The following PMS1 variants were observed in gnomAD, a reference collection of about 807,000 sequenced individuals.
The protein encoded by PMS1 is PMS1 protein homolog 1.
Under a neutral mutation model 93.1 loss-of-function variants are expected in PMS1, and 79 were observed. The ratio of observed to expected loss-of-function variants is 0.85; its 90% confidence interval spans 0.71 to 1.02. The LOEUF (loss-of-function observed/expected upper bound fraction) is 1.02, where lower values mean the gene tolerates loss of function less well. Among genes scored for constraint, PMS1 ranks in the 50% least tolerant of loss-of-function variants. The pLI is 0.00. For missense variants in PMS1, 1,064 were observed against 1,085.3 expected, an observed-to-expected ratio of 0.98 and a Z score of 0.28; for synonymous variants, 335 against 363.4, an observed-to-expected ratio of 0.92 and a Z score of 0.89.
At chr2:189,805,001 C>G (rs1439978377) in intron 3 of PMS1, among the ~76,000 whole-genome samples, 6 of 152,054 alleles carry the variant, frequency 3.9e-5, no homozygotes, top group Admixed American at 3.9e-4. Flanking sequence ...CAAAAGAGGG[C>G]AGACACTTCA....
At chr2:189,853,520 C>CT (rs397976954) in intron 7 of PMS1, among the ~76,000 whole-genome samples, 23,096 of 141,240 alleles carry the variant, frequency 0.16, 3,346 homozygotes, top group African/African-American at 0.39. Context: ...CTTTTCTTTT[C>CT]TTTTTTTTTT....
intron 2 of PMS1, 29 bp from the exon 3 acceptor site, chr2:189,795,740 T>C: frequency 6.5e-7 from 1 of 1,540,826 alleles, no homozygotes; most frequent in Non-Finnish European, 9.0e-7. Context: ...TATTTTTACA[T>C]ATTAAAAGTG....
intron 5 of PMS1, among the ~76,000 whole-genome samples, chr2:189,828,017 G>A (rs543023270): frequency 3.3e-5 from 5 of 151,660 alleles, no homozygotes; most frequent in South Asian, 4.2e-4. Flanking sequence ...TCCGCCTCCC[G>A]GGTTCACGCC....
chr2:189,792,071 T>C, intron 2 of PMS1, 130 bp downstream of exon 2: 1 of 758,542 alleles, frequency 1.3e-6, no homozygotes, highest in Non-Finnish European at 2.2e-6. Flanking sequence ...ATTGGACCCT[T>C]TGTCTTAAGA....
intron 11 of PMS1, among the ~76,000 whole-genome samples, chr2:189,871,211 A>G (rs1484388030): frequency 6.6e-6 from 1 of 152,150 alleles, no homozygotes; most frequent in African/African-American, 2.4e-5. Flanking sequence ...TACCGATCCT[A>G]AGGGCAGAGG....
intron 5 of PMS1, among the ~76,000 whole-genome samples, chr2:189,822,541 G>A (rs1043918723): frequency 6.6e-6 from 1 of 152,082 alleles, no homozygotes; most frequent in Non-Finnish European, 1.5e-5. Flanking sequence ...AAGAAATCTG[G>A]GGATTATGTT....
intron 6 of PMS1, among the ~76,000 whole-genome samples, chr2:189,850,329 A>G (rs1045971777): frequency 6.6e-6 from 1 of 152,152 alleles, no homozygotes; most frequent in Non-Finnish European, 1.5e-5. Flanking sequence ...ATCAGGGTTA[A>G]GAAGAGGAGA....
chr2:189,799,867 C>G (rs1156419880), intron 3 of PMS1, among the ~76,000 whole-genome samples: 1 of 152,192 alleles, frequency 6.6e-6, no homozygotes, highest in Non-Finnish European at 1.5e-5. Flanking sequence ...ACAACATTGC[C>G]CTATGCCCAC....
At chr2:189,866,136 A>T (rs1003119007) in intron 10 of PMS1, among the ~76,000 whole-genome samples, 1 of 152,184 alleles carries the variant, frequency 6.6e-6, no homozygotes, top group Non-Finnish European at 1.5e-5. Context: ...TAAACATCTG[A>T]TGGTGCTTTT....
chr2:189,793,061 C>T (rs1458833958), intron 2 of PMS1, among the ~76,000 whole-genome samples: 5 of 152,144 alleles, frequency 3.3e-5, no homozygotes, highest in African/African-American at 4.8e-5. Flanking sequence ...CCGCCCACCT[C>T]GGCCTCCCAA....
At chr2:189,838,945 C>G (rs1362130345) in intron 5 of PMS1, among the ~76,000 whole-genome samples, 1 of 152,060 alleles carries the variant, frequency 6.6e-6, no homozygotes, top group African/African-American at 2.4e-5. Flanking sequence ...TTTTGCATGT[C>G]TTTCGTAAAA....
At chr2:189,800,720 T>A (rs1421472108) in intron 3 of PMS1, among the ~76,000 whole-genome samples, 1 of 152,212 alleles carries the variant, frequency 6.6e-6, no homozygotes, top group Non-Finnish European at 1.5e-5. Flanking sequence ...AATTTTAAAG[T>A]CATAGAGTTG....
At chr2:189,865,972 G>A (rs934361512) in intron 10 of PMS1, among the ~76,000 whole-genome samples, 1 of 152,164 alleles carries the variant, frequency 6.6e-6, no homozygotes, top group African/African-American at 2.4e-5. Flanking sequence ...ACAGAACACA[G>A]AAAAACATCT....
At chr2:189,869,680 T>A (rs13408737) in intron 11 of PMS1, among the ~76,000 whole-genome samples, 6,805 of 152,066 alleles carry the variant, frequency 0.045, 487 homozygotes, top group African/African-American at 0.15. Flanking sequence ...TAGCCGGGCA[T>A]GTGGCAGGTG....
intron 5 of PMS1, among the ~76,000 whole-genome samples, chr2:189,840,305 C>T (rs1280909521): frequency 6.6e-6 from 1 of 152,148 alleles, no homozygotes; most frequent in Admixed American, 6.5e-5. Context: ...GCAGAAACAG[C>T]TGGATCGGTT....
intron 5 of PMS1, among the ~76,000 whole-genome samples, chr2:189,833,731 C>A (rs1168808387): frequency 6.6e-6 from 1 of 152,132 alleles, no homozygotes; most frequent in Non-Finnish European, 1.5e-5. Context: ...TACTTCCCTG[C>A]TGGAAGAAAC....
At position 189,854,979 on chromosome 2, in the gene PMS1, A is replaced by G; in HGVS notation, c.1707A>G (p.Arg569=). 1 of 1,613,362 alleles carries G rather than the reference A, an allele frequency of 6.2e-7. No homozygotes were observed. The highest frequency in any genetic ancestry group is 8.5e-7 in the Non-Finnish European group (1 of 1,179,366). The part of the protein sequence containing the change: ...KVTAYDLLSN[R]VIKKPMSASA... Reference sequence around the variant, plus strand: ...CAGCTTATGATTTACTTAGCAATCGAGTAATCAAGAAACCCATGTCAGCAA... The same window carrying G: ...CAGCTTATGATTTACTTAGCAATCGGGTAATCAAGAAACCCATGTCAGCAA... The change falls in exon 9 of 13, where the codon CGA becomes CGG. Residue 569 remains arginine, a synonymous_variant. Coordinates refer to ENST00000441310, the MANE Select transcript of PMS1 (RefSeq NM_000534.5).
At chr2:189,854,186 C>G (rs545978232) in intron 8 of PMS1, 53 bp from the exon 9 acceptor site, 182 of 1,428,170 alleles carry the variant, frequency 1.3e-4, no homozygotes, top group Non-Finnish European at 1.7e-4. Context: ...TATTTAAAAT[C>G]TTGTCTATTA....
chr2:189,844,550 A>G (rs140322554), intron 6 of PMS1, among the ~76,000 whole-genome samples: 2,179 of 150,338 alleles, frequency 0.014, 53 homozygotes, highest in African/African-American at 0.051. Context: ...AGGCTAAGGC[A>G]GGATAATCAC....
Sources: allele counts gnomAD v4.1 joint callset (sites outside exome capture counted in the v4.1 genomes callset), GRCh38; gene constraint gnomAD v4.1.1; transcripts MANE v1.5; gene names NCBI Gene and HGNC (gene_info 2026-07-23, HGNC 2026-07-21).